The following TSPAN9 variants were observed in gnomAD, a reference collection of about 807,000 sequenced individuals.
The protein encoded by TSPAN9 is tetraspanin-9.
TSPAN9 carries 16 observed loss-of-function variants against 31.0 expected under a neutral mutation model. The observed-to-expected ratio is 0.52, with a 90% CI of 0.35 to 0.78. The LOEUF is 0.78. Ranked by LOEUF, TSPAN9 falls within the 30% of genes least tolerant of loss-of-function variation. The pLI is 0.01. For missense variants in TSPAN9, 272 were observed against 312.5 expected (o/e 0.87, Z 0.98); for synonymous variants, 145 against 121.6 (o/e 1.19, Z -1.27).
intron 2 of TSPAN9, among the ~76,000 whole-genome samples, chr12:3,126,292 T>C (rs2098327333): frequency 6.6e-6 from 1 of 152,208 alleles, no homozygotes; most frequent in East Asian, 1.9e-4. Flanking sequence ...GATTTTGTTG[T>C]TGCGTGAACA....
chr12:3,126,368 C>G (rs565598166), intron 2 of TSPAN9, among the ~76,000 whole-genome samples: 1 of 152,266 alleles, frequency 6.6e-6, no homozygotes, highest in South Asian at 2.1e-4. Context: ...AGGGAAGAGC[C>G]TTTTGCTCCT....
chr12:3,101,452 G>T (rs548994694), intron 2 of TSPAN9, among the ~76,000 whole-genome samples: 38 of 152,184 alleles, frequency 2.5e-4, no homozygotes, highest in African/African-American at 8.9e-4. Flanking sequence ...TCTCTTAGAT[G>T]CCACTCTACA....
chr12:3,197,744 CCACCAGCACAGGT>C lies in TSPAN9; in HGVS notation c.-17-3420_-17-3408del, dbSNP rs1302011115. Among the ~76,000 whole-genome samples, 46 of 95,878 alleles carry C rather than the reference CCACCAGCACAGGT, an allele frequency of 4.8e-4. No homozygotes were observed. The East Asian group carries it at 0.011, about 22-fold the overall frequency. 62.9% of individuals were successfully genotyped at this position (95,878 alleles called of 152,430 possible). A position where few individuals can be genotyped will look rare whatever the true frequency, so the allele number is the denominator to read the frequency against. ...CACAGGTCACCACCAGCACAGGCCA[CCACCAGCACAGGT>C]CACCAGCACAGGCCACCACCAGCAC... On this transcript the variant is annotated intron_variant, in intron 2 of 8. Coordinates refer to ENST00000011898, the MANE Select transcript of TSPAN9 (RefSeq NM_006675.5).
At chr12:3,201,129 G>T in intron 2 of TSPAN9, 48 bp from the exon 3 acceptor site, 1 of 1,523,506 alleles carries the variant, frequency 6.6e-7, no homozygotes, top group Admixed American at 1.7e-5. Flanking sequence ...CCCAAAGGCA[G>T]CAAGTACGTG....
intron 2 of TSPAN9, among the ~76,000 whole-genome samples, chr12:3,102,729 G>A (rs1041696642): frequency 1.3e-5 from 2 of 152,318 alleles, no homozygotes; most frequent in East Asian, 3.9e-4. Context: ...GAGCCACTGC[G>A]CCTGGCCCCA....
intron 3 of TSPAN9, among the ~76,000 whole-genome samples, chr12:3,236,711 G>A (rs1387253879): frequency 6.6e-6 from 1 of 152,148 alleles, no homozygotes; most frequent in Non-Finnish European, 1.5e-5. Flanking sequence ...CTTTGTAGGG[G>A]AATCATCTGA....
chr12:3,184,607 T>C, intron 2 of TSPAN9, among the ~76,000 whole-genome samples: 1 of 152,164 alleles, frequency 6.6e-6, no homozygotes, highest in Non-Finnish European at 1.5e-5. Context: ...TAGCACCGTC[T>C]GGATTTCCTT....
At chr12:3,078,406 C>G (rs1018506202) in intron 1 of TSPAN9, among the ~76,000 whole-genome samples, 1 of 152,036 alleles carries the variant, frequency 6.6e-6, no homozygotes, top group African/African-American at 2.4e-5. Context: ...AAGACTCATG[C>G]GAGGATCCCT....
At chr12:3,123,561 G>C (rs1339368250) in intron 2 of TSPAN9, among the ~76,000 whole-genome samples, 1 of 151,900 alleles carries the variant, frequency 6.6e-6, no homozygotes, top group Non-Finnish European at 1.5e-5. Context: ...ACAGCTGTAT[G>C]ATTCATTAAT....
chr12:3,204,722 A>C (rs2098374031), intron 3 of TSPAN9, among the ~76,000 whole-genome samples: 1 of 152,122 alleles, frequency 6.6e-6, no homozygotes, highest in Non-Finnish European at 1.5e-5. Context: ...AGGGCTAAAG[A>C]CAATGCTGGC....
intron 3 of TSPAN9, among the ~76,000 whole-genome samples, chr12:3,241,404 T>C (rs933743281): frequency 1.3e-5 from 2 of 152,222 alleles, no homozygotes; most frequent in Non-Finnish European, 2.9e-5. Context: ...TAAAGTTTGC[T>C]CTTTTTGGTG....
At chr12:3,200,602 A>G (rs1440607791) in intron 2 of TSPAN9, 1 of 152,318 alleles carries the variant, frequency 6.6e-6, no homozygotes. Context: ...GACGGCCTGG[A>G]AAGAGAAATC....
At chr12:3,198,207 G>GCCACCACCAGCACAGC (rs2098368387) in intron 2 of TSPAN9, among the ~76,000 whole-genome samples, 4 of 49,504 alleles carry the variant, frequency 8.1e-5, no homozygotes, top group Non-Finnish European at 1.2e-4. Context: ...ACCAGCACAG[G>GCCACCACCAGCACAGC]TCACCACCAG....
intron 2 of TSPAN9, among the ~76,000 whole-genome samples, chr12:3,154,159 T>G (rs1012382866): frequency 6.6e-6 from 1 of 152,134 alleles, no homozygotes; most frequent in Non-Finnish European, 1.5e-5. Flanking sequence ...GGTATCTCAT[T>G]CTGGGTTATT....
intron 3 of TSPAN9, among the ~76,000 whole-genome samples, chr12:3,269,271 T>TGC (rs1424782691): frequency 2.9e-5 from 1 of 34,148 alleles, no homozygotes; most frequent in Non-Finnish European, 6.2e-5. Context: ...GCCTGCCCTG[T>TGC]GTTCCTGCAG....
chr12:3,178,948 G>A (rs1428130297), intron 2 of TSPAN9, among the ~76,000 whole-genome samples: 2 of 152,200 alleles, frequency 1.3e-5, no homozygotes, highest in African/African-American at 4.8e-5. Flanking sequence ...CACATGTGGG[G>A]ATCTGGTTGC....
At chr12:3,243,190 T>C (rs1401395209) in intron 3 of TSPAN9, among the ~76,000 whole-genome samples, 1 of 152,200 alleles carries the variant, frequency 6.6e-6, no homozygotes, top group East Asian at 1.9e-4. Context: ...CCGCCTTCCC[T>C]GTACCCGAGT....
At chr12:3,258,442 T>C (rs1221515198) in intron 3 of TSPAN9, among the ~76,000 whole-genome samples, 1 of 152,132 alleles carries the variant, frequency 6.6e-6, no homozygotes, top group Admixed American at 6.5e-5. Context: ...TAGATTACTG[T>C]GGGGAGGGAG....
At chr12:3,109,524 A>G (rs1352330019) in intron 2 of TSPAN9, among the ~76,000 whole-genome samples, 1 of 151,438 alleles carries the variant, frequency 6.6e-6, no homozygotes, top group African/African-American at 2.4e-5. Flanking sequence ...AGTGCCAGGC[A>G]TGGTGGCTCA....
Sources: allele counts gnomAD v4.1 joint callset (sites outside exome capture counted in the v4.1 genomes callset), GRCh38; gene constraint gnomAD v4.1.1; transcripts MANE v1.5; gene names NCBI Gene and HGNC (gene_info 2026-07-23, HGNC 2026-07-21).